The following TMC5 variants were observed in gnomAD, a reference collection of about 807,000 sequenced individuals.
TMC5 encodes transmembrane channel like 5.
Under a neutral mutation model 110.5 loss-of-function variants are expected in TMC5, and 86 were observed. The ratio of observed to expected loss-of-function variants is 0.78; its 90% CI spans 0.65 to 0.93. TMC5 has a LOEUF of 0.93. Ranked by LOEUF, TMC5 falls within the 40% of genes least tolerant of loss-of-function variation. The pLI, the probability that TMC5 is intolerant of heterozygous loss-of-function variation, is 0.00. For missense variants in TMC5, 1,144 were observed against 1,222.8 expected (o/e 0.94, Z 0.96); for synonymous variants, 455 against 439.5 (o/e 1.04, Z -0.44).
Position 19,467,060 on chromosome 16 carries a change from C to T in TMC5, c.1637+827C>T, listed in dbSNP as rs1022837108. Among the ~76,000 whole-genome samples the T allele has an allele frequency of 2.0e-5, 3 of 151,958 alleles. No homozygotes were observed. The East Asian group carries it at 5.8e-4, about 29-fold the overall frequency. ...ATTCGGGAGGCTGAGGTGGGAGAAT[C>T]ACCTGAGCCCATTAGGTCGAGGCTG... On this transcript the variant is annotated intron_variant, in intron 9 of 21. Transcript: ENST00000542583.
chr16:19,431,734 G>C (rs988438419), intron 2 of TMC5, among the ~76,000 whole-genome samples: 2 of 151,984 alleles, frequency 1.3e-5, no homozygotes, highest in Non-Finnish European at 2.9e-5. Flanking sequence ...TTAACCTTTG[G>C]ACAATTCACA....
chr16:19,472,098 C>T lies in TMC5; in HGVS notation c.1793C>T (p.Ser598Leu). 1 of 1,614,038 alleles carries T rather than the reference C, an allele frequency of 6.2e-7. No homozygotes were observed. ...NLSTEIRENL[S>L]ELRQENSKLT... ...TTCTTATGTTTCTAGGAGAACCTGT[C>T]AGAGCTCCGTCAGGAGAATTCCAAG... The change falls in exon 11 of 22, where the codon TCA becomes TTA. Residue 598 changes from serine to leucine, a missense_variant. Physicochemically the swap from Ser to Leu is moderately radical, Grantham distance 145 (BLOSUM62 -2). Transcript: ENST00000542583.
At chr16:19,492,940 A>C (rs1458501362) in intron 19 of TMC5, among the ~76,000 whole-genome samples, 1 of 108,768 alleles carries the variant, frequency 9.2e-6, no homozygotes, top group African/African-American at 3.0e-5. Context: ...ATATCTCTCT[A>C]TAAGATAAAT....
At chr16:19,441,771 TTTG>T (rs1260639083) in intron 3 of TMC5, among the ~76,000 whole-genome samples, 3 of 152,186 alleles carry the variant, frequency 2.0e-5, no homozygotes, top group East Asian at 1.9e-4. Context: ...AGGCCGGTTT[TTTG>T]TTGTTGTTGT....
At position 19,463,880 on chromosome 16, in the gene TMC5, C is replaced by G. The variant is rs780798853; in HGVS notation, c.1341C>G (p.Leu447=). The G allele has an allele frequency of 3.1e-6, 5 of 1,614,102 alleles. No individual in the cohort carries two copies. Among genetic ancestry groups the G allele is most frequent in the Non-Finnish European group, 4.2e-6 (5 of 1,180,052 alleles). Residue 447 remains leucine (L), a synonymous_variant, in exon 8 of 22, where the codon CTC becomes CTG. Coordinates refer to ENST00000542583, the MANE Select transcript of TMC5 (RefSeq NM_001261841.2). ...GAGGCAAGTTTGGAACCAGCGTCCT[C>G]TCCTATTTCAACTTTCTGAGATGGC... ...IIGGKFGTSV[L]SYFNFLRWLL...
chr16:19,473,300 C>T (rs1286605323), intron 11 of TMC5, among the ~76,000 whole-genome samples: 2 of 130,322 alleles, frequency 1.5e-5, no homozygotes, highest in Non-Finnish European at 3.1e-5. Context: ...GAGCCGAGAT[C>T]GTGCCACTGC....
chr16:19,453,881 T>C (rs955580575), intron 5 of TMC5, among the ~76,000 whole-genome samples: 5 of 152,184 alleles, frequency 3.3e-5, no homozygotes, highest in African/African-American at 1.2e-4. Context: ...TTATATTCAT[T>C]CATTTATGAA....
At chr16:19,425,753 C>G (rs1967076810) in intron 1 of TMC5, among the ~76,000 whole-genome samples, 2 of 152,190 alleles carry the variant, frequency 1.3e-5, no homozygotes, top group African/African-American at 4.8e-5. Context: ...GTGGCGTGAT[C>G]TCAGCTTACT....
intron 20 of TMC5, among the ~76,000 whole-genome samples, chr16:19,494,818 A>G (rs1330992704): frequency 6.6e-6 from 1 of 151,888 alleles, no homozygotes; most frequent in Non-Finnish European, 1.5e-5. Flanking sequence ...AAAAAAAGTA[A>G]TATTCATTTT....
intron 5 of TMC5, among the ~76,000 whole-genome samples, chr16:19,453,685 T>C (rs146132431): frequency 4.6e-5 from 7 of 152,106 alleles, no homozygotes; most frequent in Non-Finnish European, 7.4e-5. Context: ...GGAAGATCCC[T>C]TGGGCCCAGG....
intron 18 of TMC5, among the ~76,000 whole-genome samples, 176 bp downstream of exon 18, chr16:19,490,744 TTCCTTCC>T (rs1968869998): frequency 3.3e-5 from 2 of 59,856 alleles, no homozygotes; most frequent in Non-Finnish European, 6.3e-5. Context: ...CCTTCCTTCC[TTCCTTCC>T]TTCCTTCCTT....
chr16:19,471,744 TTTTA>T (rs1329140615), intron 10 of TMC5, among the ~76,000 whole-genome samples: 1 of 152,000 alleles, frequency 6.6e-6, no homozygotes, highest in African/African-American at 2.4e-5. Context: ...TTTCATTTAT[TTTTA>T]TTTATTTGTT....
In TMC5 at chr16:19,472,258, G is replaced by T. The variant is rs1968362952; in HGVS notation, c.1938+15G>T. On this transcript the variant is annotated intron_variant, in intron 11 of 21. Coordinates refer to ENST00000542583, the MANE Select transcript of TMC5 (RefSeq NM_001261841.2). The stretch of plus-strand genomic sequence containing the variant: ...ACAACTTAGAGGTAACCAACACCAG[G>T]GTCCAGGGCAGAGAGAACCAGGTGA... The T allele has an allele frequency of 1.9e-6, 3 of 1,612,798 alleles. No individual in the cohort carries two copies. Among genetic ancestry groups the T allele is most frequent in the Non-Finnish European group, 2.5e-6 (3 of 1,179,460 alleles).
At chr16:19,473,702 G>T (rs771134964) in intron 11 of TMC5, among the ~76,000 whole-genome samples, 1 of 152,066 alleles carries the variant, frequency 6.6e-6, no homozygotes, top group Non-Finnish European at 1.5e-5. Context: ...TAACCTAGCC[G>T]GGCGCGATGG....
chr16:19,457,912 TG>T (rs1487777530), intron 5 of TMC5, among the ~76,000 whole-genome samples: 1 of 151,426 alleles, frequency 6.6e-6, no homozygotes, highest in Non-Finnish European at 1.5e-5. Flanking sequence ...TTAGTAGAGA[TG>T]GGGTTTTACC....
chr16:19,494,507 A>C (rs1300756097), intron 20 of TMC5, 141 bp downstream of exon 20: 12 of 602,926 alleles, frequency 2.0e-5, no homozygotes, highest in Non-Finnish European at 3.2e-5. Context: ...TGTGGTTTTT[A>C]CTTAAAAAGT....
Position 19,466,167 on chromosome 16 carries a change from T to C in TMC5, c.1571T>C (p.Met524Thr), listed in dbSNP as rs764806686. 2 of 1,614,152 alleles carry C rather than the reference T, an allele frequency of 1.2e-6. No individual in the cohort carries two copies. The highest frequency in any genetic ancestry group is 1.1e-5 in the South Asian group (1 of 91,092). ...QHGNSGASYN[M>T]QLAYIFTIGA... The stretch of plus-strand genomic sequence containing the variant: ...GGGAACAGCGGGGCATCCTACAACA[T>C]GCAGCTGGCCTACATCTTCACAATC... Residue 524 changes from methionine to threonine, a missense_variant, in exon 9 of 22, where the codon ATG (methionine) becomes ACG (threonine). Transcript: ENST00000542583.
chr16:19,455,351 G>A (rs1197106556), intron 5 of TMC5, among the ~76,000 whole-genome samples: 1 of 152,030 alleles, frequency 6.6e-6, no homozygotes, highest in Non-Finnish European at 1.5e-5. Context: ...AACCCAGGAG[G>A]CAAAGGCTGC....
chr16:19,462,404 A>G, intron 6 of TMC5: 2 of 612,602 alleles, frequency 3.3e-6, no homozygotes, highest in Non-Finnish European at 5.9e-6. Context: ...CTAGGTTGAG[A>G]ATGTGTATTA....
Sources: gnomAD v4.1 joint callset for allele counts (sites outside exome capture counted in the v4.1 genomes callset) on GRCh38, gnomAD v4.1.1 for gene constraint, MANE v1.5 for transcripts, NCBI Gene and HGNC (gene_info 2026-07-23, HGNC 2026-07-21) for gene names.